Variants in PLD5 observed in about 807,000 individuals in gnomAD.
The protein encoded by PLD5 is inactive phospholipase D5.
PLD5 carries 36 observed loss-of-function variants against 61.1 expected under a neutral mutation model. The observed-to-expected ratio is 0.59, with a 90% CI of 0.45 to 0.78. The LOEUF is 0.78. Ranked by LOEUF, PLD5 falls within the 30% of genes least tolerant of loss-of-function variation. The pLI is 0.00. For missense variants in PLD5, 515 were observed against 644.4 expected (o/e 0.80, Z 2.17); for synonymous variants, 243 against 242.8 (o/e 1.00, Z -0.01).
At chr1:242,420,424 TAC>T (rs1665074829) in intron 1 of PLD5, among the ~76,000 whole-genome samples, 1 of 152,152 alleles carries the variant, frequency 6.6e-6, no homozygotes, top group African/African-American at 2.4e-5. Context: ...ACAACTCCGT[TAC>T]ACAGTTTCCT....
rs114285235 is a variant in PLD5, at chr1:242,183,964, A to G, written c.735+36024T>C. 7.2e-3 allele frequency among the ~76,000 whole-genome samples: 991 copies of G among 136,976 alleles called. 9 individuals are homozygous for G. The highest frequency in any genetic ancestry group is 0.026 in the African/African-American group (947 of 36,176). 89.9% of individuals were successfully genotyped at this position (136,976 alleles called of 152,430 possible). On this transcript the variant is annotated intron_variant, in intron 5 of 9. Transcript: ENST00000536534. Reference sequence around the variant, plus strand: ...TTGATTGTTTATGTAGTTAGGTCCAAATGACTTCATATTTATTTATATCCT... The same window carrying G: ...TTGATTGTTTATGTAGTTAGGTCCAGATGACTTCATATTTATTTATATCCT...
intron 3 of PLD5, among the ~76,000 whole-genome samples, chr1:242,284,544 G>A (rs1270087410): frequency 2.0e-5 from 3 of 152,104 alleles, no homozygotes; most frequent in Non-Finnish European, 4.4e-5. Context: ...GAGGGGAATC[G>A]GGGCAAGGTG....
chr1:242,133,432 T>A (rs745433578), intron 5 of PLD5, among the ~76,000 whole-genome samples: 1 of 152,218 alleles, frequency 6.6e-6, no homozygotes, highest in Non-Finnish European at 1.5e-5. Context: ...TGGAGTATAC[T>A]TTTGTTTCAA....
At chr1:242,241,989 TAC>T (rs1672072602) in intron 4 of PLD5, among the ~76,000 whole-genome samples, 2 of 82,616 alleles carry the variant, frequency 2.4e-5, no homozygotes, top group South Asian at 5.5e-4. Flanking sequence ...TATATATACT[TAC>T]TATATATATA....
At chr1:242,468,455 T>C (rs1346406830) in intron 1 of PLD5, among the ~76,000 whole-genome samples, 1 of 152,202 alleles carries the variant, frequency 6.6e-6, no homozygotes. Context: ...CTTTCTTTAC[T>C]TTTCACTGAC....
intron 1 of PLD5, among the ~76,000 whole-genome samples, chr1:242,390,784 A>T (rs929941914): frequency 6.6e-6 from 1 of 152,184 alleles, no homozygotes; most frequent in Non-Finnish European, 1.5e-5. Flanking sequence ...TGTTCTTCCT[A>T]ACAAGAGACA....
chr1:242,087,244 TG>T lies in PLD5; in HGVS notation c.*2609del. The T allele has an allele frequency of 6.6e-6, 1 of 152,156 alleles. No homozygotes were observed. The highest frequency in any genetic ancestry group is 2.4e-5 in the African/African-American group (1 of 41,426). 9.4% of individuals were successfully genotyped at this position (152,156 alleles called of 1,614,324 possible). A position where few individuals can be genotyped will look rare whatever the true frequency, so the allele number is the denominator to read the frequency against. Reference sequence around the variant, plus strand: ...CCCCTGATTAGGGGCTTGCTGTGTCTGGTAGGCATCTGCTGCTGCTGCTTGG... The same window carrying T: ...CCCCTGATTAGGGGCTTGCTGTGTCTGTAGGCATCTGCTGCTGCTGCTTGG... On this transcript the variant is annotated 3_prime_UTR_variant, in exon 10 of 10. Transcript: ENST00000536534.
chr1:242,508,288 G>A (rs549762047), intron 1 of PLD5, among the ~76,000 whole-genome samples: 8 of 151,966 alleles, frequency 5.3e-5, no homozygotes, highest in South Asian at 2.1e-4. Flanking sequence ...CAGGAGAATC[G>A]CTTGAACTCG....
intron 5 of PLD5, among the ~76,000 whole-genome samples, chr1:242,149,120 T>C (rs528053913): frequency 6.6e-6 from 1 of 151,936 alleles, no homozygotes; most frequent in South Asian, 2.1e-4. Flanking sequence ...CTATTAAATA[T>C]AATGCTAGCT....
intron 5 of PLD5, among the ~76,000 whole-genome samples, chr1:242,185,890 C>A (rs1479866975): frequency 1.3e-5 from 2 of 152,052 alleles, no homozygotes; most frequent in African/African-American, 4.8e-5. Context: ...AGACCCTACA[C>A]CCCTGTGGCT....
chr1:242,100,640 C>T (rs1660608540), intron 9 of PLD5, 28 bp downstream of exon 9: 4 of 1,573,908 alleles, frequency 2.5e-6, no homozygotes, highest in Middle Eastern at 1.7e-4. Context: ...GACCCCCACC[C>T]AAGGAGCTTC....
intron 5 of PLD5, among the ~76,000 whole-genome samples, chr1:242,154,322 T>G (rs1270289693): frequency 6.6e-6 from 1 of 152,170 alleles, no homozygotes; most frequent in Non-Finnish European, 1.5e-5. Flanking sequence ...TCTTCCTATT[T>G]GAATACCCTT....
intron 2 of PLD5, among the ~76,000 whole-genome samples, chr1:242,321,315 T>G (rs1317438983): frequency 1.3e-5 from 2 of 152,076 alleles, no homozygotes; most frequent in African/African-American, 4.8e-5. Flanking sequence ...CTCTCTTTTT[T>G]TTTTTTGGAT....
At position 242,216,078 on chromosome 1, in the gene PLD5, G is replaced by A. The variant is rs565981407; in HGVS notation, c.735+3910C>T. 2.0e-5 allele frequency among the ~76,000 whole-genome samples: 3 copies of A among 152,282 alleles called. No individual in the cohort carries two copies. The East Asian group carries it at 5.8e-4, about 29-fold the overall frequency. ...CCTTAGTAACAGCACACATCAAACT[G>A]AAGTGCCAAGTAATGCTGCAGGTCA... On this transcript the variant is annotated intron_variant, in intron 5 of 9. Coordinates refer to ENST00000536534, the MANE Select transcript of PLD5 (RefSeq NM_001372062.1).
At chr1:242,525,350 C>A (rs985949906), upstream of PLD5, among the ~76,000 whole-genome samples, 1 of 152,180 alleles carries the variant, frequency 6.6e-6, no homozygotes, top group African/African-American at 2.4e-5. Context: ...GAGGGTGATC[C>A]AGGGCTCCTC....
At chr1:242,113,084 C>CTTTTTTTTTTTTT (rs71570931) in intron 7 of PLD5, among the ~76,000 whole-genome samples, 2 of 110,696 alleles carry the variant, frequency 1.8e-5, no homozygotes, top group Non-Finnish European at 3.6e-5. Flanking sequence ...CTCTCTCTCT[C>CTTTTTTTTTTTTT]TTTTTTTTTT....
intron 2 of PLD5, among the ~76,000 whole-genome samples, chr1:242,306,740 AACACACACACACACACACACAC>A (rs34083497): frequency 1.1e-4 from 16 of 141,122 alleles, no homozygotes; most frequent in South Asian, 4.5e-4. Flanking sequence ...AATTTATTAA[AACACACACACACACACACACAC>A]ACACACACAC....
intron 3 of PLD5, among the ~76,000 whole-genome samples, chr1:242,265,976 G>T (rs1188113165): frequency 6.6e-6 from 1 of 152,188 alleles, no homozygotes; most frequent in Admixed American, 6.5e-5. Context: ...GGAAATTATG[G>T]TTACTAATCA....
rs534823674 is a variant in PLD5 at position 242,496,458 on chromosome 1, G to C, written c.189+27630C>G. Among the ~76,000 whole-genome samples the C allele has an allele frequency of 2.6e-5, 4 of 152,296 alleles. No individual in the cohort carries two copies. In the South Asian group the frequency reaches 8.3e-4, roughly 32 times the overall value. ...TAATGATTTAATAGCTTCTACCACA[G>C]CCTTATCAAACATCACTTGATTATG... On this transcript the variant is annotated intron_variant, in intron 1 of 9. Coordinates refer to ENST00000536534, the MANE Select transcript of PLD5 (RefSeq NM_001372062.1).
Sources: gnomAD v4.1 joint callset for allele counts (sites outside exome capture counted in the v4.1 genomes callset) on GRCh38, gnomAD v4.1.1 for gene constraint, MANE v1.5 for transcripts, NCBI Gene and HGNC (gene_info 2026-07-23, HGNC 2026-07-21) for gene names.